The following USP47 variants were observed in gnomAD, a reference collection of about 807,000 sequenced individuals.
USP47 encodes ubiquitin carboxyl-terminal hydrolase 47.
USP47 carries 35 observed loss-of-function variants against 165.1 expected under a neutral mutation model. That is an observed-to-expected ratio of 0.21 (90% CI 0.16 to 0.28). USP47 has a LOEUF of 0.28. Among genes scored for constraint, USP47 ranks in the 10% least tolerant of loss-of-function variants. The pLI is 1.00. For missense variants in USP47, 1,277 were observed against 1,607.4 expected (o/e 0.79, Z 3.52); for synonymous variants, 531 against 544.5 (o/e 0.98, Z 0.35).
At chr11:11,903,472 A>C (rs931066059) in intron 7 of USP47, 130 bp downstream of exon 7, 12 of 777,470 alleles carry the variant, frequency 1.5e-5, no homozygotes, top group Non-Finnish European at 2.2e-5. Flanking sequence ...CCAATGGGAA[A>C]TTGAAAGTAC....
chr11:11,922,662 GT>G, intron 10 of USP47, 61 bp from the exon 11 acceptor site: 1 of 1,409,986 alleles, frequency 7.1e-7, no homozygotes, highest in Non-Finnish European at 9.5e-7. Flanking sequence ...TAGGTACAAA[GT>G]TTTGTTGAAC....
chr11:11,855,617 T>TA (rs1181732081), intron 1 of USP47, among the ~76,000 whole-genome samples: 6 of 152,376 alleles, frequency 3.9e-5, no homozygotes, highest in Admixed American at 6.5e-5. Flanking sequence ...GTTATAGGTT[T>TA]AACTTCAGGA....
intron 8 of USP47, among the ~76,000 whole-genome samples, chr11:11,905,838 A>G (rs1187415734): frequency 7.1e-6 from 1 of 141,624 alleles, no homozygotes; most frequent in African/African-American, 2.6e-5. Flanking sequence ...TTTTTTTTTT[A>G]CCTCTAAACA....
chr11:11,871,768 C>T (rs1008588864), intron 1 of USP47, among the ~76,000 whole-genome samples: 33 of 152,066 alleles, frequency 2.2e-4, no homozygotes, highest in African/African-American at 7.7e-4. Context: ...CCTTGAACTC[C>T]CAACTCCTTT....
intron 6 of USP47, 142 bp from the exon 7 acceptor site, chr11:11,903,121 C>CATGTATATTCTTA (rs1852333485): frequency 1.2e-6 from 1 of 802,702 alleles, no homozygotes; most frequent in South Asian, 2.6e-5. Flanking sequence ...TCATGACTGT[C>CATGTATATTCTTA]ATGTATATTC....
At chr11:11,900,236 G>T (rs2035678890) in intron 5 of USP47, among the ~76,000 whole-genome samples, 1 of 139,694 alleles carries the variant, frequency 7.2e-6, no homozygotes, top group Non-Finnish European at 1.5e-5. Context: ...TCGGCTCACT[G>T]CAGGCTCTGC....
At chr11:11,877,150 GAA>G (rs34092972) in intron 1 of USP47, among the ~76,000 whole-genome samples, 1 of 146,858 alleles carries the variant, frequency 6.8e-6, no homozygotes. Flanking sequence ...AGCTATTTAA[GAA>G]AAAAAAAAAC....
At chr11:11,856,451 A>G (rs1001143360) in intron 1 of USP47, 6 of 152,160 alleles carry the variant, frequency 3.9e-5, no homozygotes, top group Non-Finnish European at 8.8e-5. Flanking sequence ...TAAGAATAAA[A>G]TATTTCTTTT....
intron 8 of USP47, among the ~76,000 whole-genome samples, chr11:11,918,070 A>G (rs865847791): frequency 2.0e-5 from 3 of 152,282 alleles, no homozygotes; most frequent in Non-Finnish European, 4.4e-5. Flanking sequence ...AGACTGGACA[A>G]TACCTTGACC....
chr11:11,864,122 A>G (rs1385837712), intron 1 of USP47, among the ~76,000 whole-genome samples: 1 of 152,112 alleles, frequency 6.6e-6, no homozygotes, highest in Non-Finnish European at 1.5e-5. Context: ...TCTAATATGT[A>G]TGTATATATC....
intron 14 of USP47, 80 bp from the exon 15 acceptor site, chr11:11,932,924 A>G: frequency 8.9e-6 from 9 of 1,016,340 alleles, no homozygotes; most frequent in Non-Finnish European, 1.3e-5. Flanking sequence ...AGTATATACC[A>G]TGAGAGCATA....
chr11:11,953,243 T>A (rs1856340101), intron 25 of USP47, among the ~76,000 whole-genome samples: 1 of 152,180 alleles, frequency 6.6e-6, no homozygotes, highest in African/African-American at 2.4e-5. Context: ...AGAATCCAGA[T>A]GAAGGTCTGT....
chr11:11,948,407 A>G (rs1855990377), intron 21 of USP47, 71 bp from the exon 22 acceptor site: 6 of 1,376,828 alleles, frequency 4.4e-6, no homozygotes, highest in Non-Finnish European at 6.1e-6. Flanking sequence ...TGGAAAGTTT[A>G]AAAATGGGAT....
intron 1 of USP47, among the ~76,000 whole-genome samples, chr11:11,858,337 G>C (rs1424708431): frequency 2.0e-5 from 3 of 151,974 alleles, no homozygotes; most frequent in Non-Finnish European, 4.4e-5. Flanking sequence ...AGGGTCTCAG[G>C]TAATGAAAGG....
rs138362742 is a variant in USP47 at position 11,887,481 on chromosome 11, G to A, written c.357+2901G>A. ...CCAACAAAGATAAAAAAAGACAAGG[G>A]CATTACATAATAGTAAAGGGTTCAA... On this transcript the variant is annotated intron_variant, in intron 3 of 27. Transcript: ENST00000527733. Among the ~76,000 whole-genome samples the A allele has an allele frequency of 7.5e-3, 1,133 of 151,100 alleles. 18 individuals are homozygous for A. The highest frequency in any genetic ancestry group is 0.026 in the African/African-American group (1,088 of 41,328).
chr11:11,873,418 T>A (rs1463434231), intron 1 of USP47, among the ~76,000 whole-genome samples: 2 of 152,170 alleles, frequency 1.3e-5, no homozygotes, highest in Non-Finnish European at 2.9e-5. Context: ...TAAGAGTAGC[T>A]GTCGTGAAAA....
intron 22 of USP47, 124 bp downstream of exon 22, chr11:11,948,682 T>C (rs72857641): frequency 0.15 from 120,413 of 809,594 alleles, 10,319 homozygotes; most frequent in Middle Eastern, 0.32. Flanking sequence ...TTCTGGGCCT[T>C]GCAGTTTAGC....
At chr11:11,953,895 A>G (rs368728686) in intron 25 of USP47, among the ~76,000 whole-genome samples, 10 of 152,332 alleles carry the variant, frequency 6.6e-5, no homozygotes, top group African/African-American at 1.9e-4. Flanking sequence ...TTTCAAGTTC[A>G]GTTGGCATCA....
chr11:11,898,129 G>A (rs1242530300), intron 5 of USP47, among the ~76,000 whole-genome samples: 2 of 93,772 alleles, frequency 2.1e-5, no homozygotes, highest in South Asian at 7.0e-4. Flanking sequence ...TCATGTGCGT[G>A]TGTGTGCGTG....
Sources: gnomAD v4.1 joint callset for allele counts (sites outside exome capture counted in the v4.1 genomes callset) on GRCh38, gnomAD v4.1.1 for gene constraint, MANE v1.5 for transcripts, NCBI Gene and HGNC (gene_info 2026-07-23, HGNC 2026-07-21) for gene names.